Variants in WIPF3 observed in about 807,000 individuals in gnomAD.
WIPF3 encodes WAS/WASL interacting protein family member 3.
WIPF3 carries 33 observed loss-of-function variants against 38.9 expected under a neutral mutation model. The ratio of observed to expected loss-of-function variants is 0.85; its 90% CI spans 0.64 to 1.14. The LOEUF (loss-of-function observed/expected upper bound fraction) is 1.14, where lower values mean the gene tolerates loss of function less well. WIPF3 is among the 50% of genes most tolerant of loss of function. The pLI, the probability that WIPF3 is intolerant of heterozygous loss-of-function variation, is 0.00. For synonymous variants in WIPF3, 324 were observed against 269.3 expected (o/e 1.20, Z -1.99); for missense variants, 711 against 652.5 (o/e 1.09, Z -0.98).
Position 29,888,138 on chromosome 7 carries a change from C to G in WIPF3, c.1170C>G (p.Ser390Arg). The G allele has an allele frequency of 6.2e-7, 1 of 1,613,840 alleles. No homozygotes were observed. The highest frequency in any genetic ancestry group is 8.5e-7 in the Non-Finnish European group (1 of 1,179,832). ...PARSPTTELS[S>R]KSQQATAWTP... Reference sequence around the variant, plus strand: ...GATCACCTACCACAGAGCTTTCAAGCAAGAGCCAGCAGGCCACAGCCTGGA... The same window carrying G: ...GATCACCTACCACAGAGCTTTCAAGGAAGAGCCAGCAGGCCACAGCCTGGA... The change falls in exon 6 of 9, where the codon AGC (serine) becomes AGG (arginine). Residue 390 changes from serine to arginine, a missense_variant. Ser to Arg is a moderately radical substitution (Grantham distance 110, BLOSUM62 -1). Coordinates refer to ENST00000242140, the MANE Select transcript of WIPF3 (RefSeq NM_001080529.3).
intron 2 of WIPF3, among the ~76,000 whole-genome samples, chr7:29,865,421 G>C (rs1430887965): frequency 6.6e-6 from 1 of 152,112 alleles, no homozygotes; most frequent in African/African-American, 2.4e-5. Context: ...ATAACGAGTG[G>C]GTAAATACGC....
At chr7:29,859,089 G>A (rs1336692208) in intron 2 of WIPF3, among the ~76,000 whole-genome samples, 1 of 152,188 alleles carries the variant, frequency 6.6e-6, no homozygotes, top group Non-Finnish European at 1.5e-5. Flanking sequence ...TCTTAGGGAG[G>A]GAGCTGTTTT....
At chr7:29,830,830 T>C (rs1784707607) in intron 1 of WIPF3, among the ~76,000 whole-genome samples, 1 of 152,164 alleles carries the variant, frequency 6.6e-6, no homozygotes, top group African/African-American at 2.4e-5. Flanking sequence ...CCCAGTGCAG[T>C]GCTGAGCACC....
chr7:29,851,899 T>C (rs1230895361), intron 2 of WIPF3, among the ~76,000 whole-genome samples: 2 of 152,270 alleles, frequency 1.3e-5, no homozygotes, highest in African/African-American at 2.4e-5. Flanking sequence ...TCTTGTTTCA[T>C]GTTGCTTTTG....
At chr7:29,845,721 A>G (rs751410469) in intron 2 of WIPF3, among the ~76,000 whole-genome samples, 1 of 152,204 alleles carries the variant, frequency 6.6e-6, no homozygotes, top group Non-Finnish European at 1.5e-5. Context: ...CGGATGAGGG[A>G]TGAGGGAGGA....
intron 1 of WIPF3, among the ~76,000 whole-genome samples, chr7:29,826,250 G>A (rs1398159279): frequency 2.6e-5 from 4 of 152,122 alleles, no homozygotes; most frequent in African/African-American, 9.7e-5. Context: ...TGTGGAGATG[G>A]TGCCTTTCTT....
chr7:29,813,070 G>C (rs560774994), intron 1 of WIPF3, among the ~76,000 whole-genome samples: 1 of 152,142 alleles, frequency 6.6e-6, no homozygotes, highest in Non-Finnish European at 1.5e-5. Context: ...TCTCTCCTCC[G>C]TCTCGTTTAA....
intron 1 of WIPF3, among the ~76,000 whole-genome samples, chr7:29,827,618 G>GTTTATT (rs1000853884): frequency 1.3e-4 from 20 of 152,084 alleles, no homozygotes; most frequent in African/African-American, 4.3e-4. Context: ...GCGTCATGGG[G>GTTTATT]TTTATTAGCC....
chr7:29,858,547 A>T (rs114402322), intron 2 of WIPF3, among the ~76,000 whole-genome samples: 1,741 of 152,344 alleles, frequency 0.011, 40 homozygotes, highest in African/African-American at 0.04. Context: ...GTTACAATGT[A>T]CTTCCTCAGA....
intron 2 of WIPF3, among the ~76,000 whole-genome samples, chr7:29,872,963 A>G (rs1785526084): frequency 1.3e-5 from 2 of 152,128 alleles, no homozygotes; most frequent in Non-Finnish European, 2.9e-5. Context: ...GTAAGTAAAC[A>G]CACTGTGACT....
rs773775027 is a variant in WIPF3, at chr7:29,904,403, TCTC to T, written c.1428+45_1428+47del. On this transcript the variant is annotated intron_variant, in intron 8 of 8. Transcript: ENST00000242140. Reference sequence around the variant, plus strand: ...TGTCTCTGAATGTAAAACCAGGAATTCTCCTCAGGAGGCACAGAAATGGTAAGG... The same window carrying T: ...TGTCTCTGAATGTAAAACCAGGAATTCTCAGGAGGCACAGAAATGGTAAGG... 5.7e-6 allele frequency: 9 copies of T among 1,590,442 alleles called. No individual in the cohort carries two copies. In the South Asian group the frequency reaches 6.6e-5, roughly 12 times the overall value.
Position 29,914,533 on chromosome 7 carries a change from A to G in WIPF3, c.*17A>G, listed in dbSNP as rs1420416529. The G allele has an allele frequency of 6.6e-7, 1 of 1,516,840 alleles. No homozygotes were observed. Among genetic ancestry groups the G allele is most frequent in the Non-Finnish European group, 8.8e-7 (1 of 1,129,960 alleles). 94.0% of individuals were successfully genotyped at this position (1,516,840 alleles called of 1,614,324 possible). A position where few individuals can be genotyped will look rare whatever the true frequency, so the allele number is the denominator to read the frequency against. On this transcript the variant is annotated 3_prime_UTR_variant, in exon 9 of 9. Transcript: ENST00000242140. The stretch of plus-strand genomic sequence containing the variant: ...CTTCGGTGAGAAGACAGATGAAGCG[A>G]AGGTCCTGGGGTTCCAGGTTGCAGA...
chr7:29,809,830 G>C (rs901939482), intron 1 of WIPF3, among the ~76,000 whole-genome samples: 1 of 152,216 alleles, frequency 6.6e-6, no homozygotes, highest in African/African-American at 2.4e-5. Flanking sequence ...CATTATGTGG[G>C]CCAGGCACTG....
At chr7:29,876,441 T>A (rs1325591168) in intron 3 of WIPF3, among the ~76,000 whole-genome samples, 1 of 152,252 alleles carries the variant, frequency 6.6e-6, no homozygotes, top group Non-Finnish European at 1.5e-5. Flanking sequence ...CTCTCTGGAT[T>A]TGCCTATTCT....
intron 1 of WIPF3, among the ~76,000 whole-genome samples, chr7:29,817,582 A>G (rs1784476413): frequency 1.3e-5 from 2 of 152,176 alleles, no homozygotes; most frequent in Admixed American, 6.5e-5. Flanking sequence ...AATTTACTCA[A>G]TACTTTTTGT....
chr7:29,892,305 C>T (rs2128078253), intron 7 of WIPF3, among the ~76,000 whole-genome samples: 1 of 152,318 alleles, frequency 6.6e-6, no homozygotes, highest in Middle Eastern at 3.4e-3. Context: ...CCTTCATCAA[C>T]AGGCAGCTGG....
At chr7:29,809,866 T>C (rs958686522) in intron 1 of WIPF3, among the ~76,000 whole-genome samples, 1 of 152,076 alleles carries the variant, frequency 6.6e-6, no homozygotes, top group Admixed American at 6.6e-5. Flanking sequence ...AAGTGCATCT[T>C]GAAGGAATGT....
Position 29,889,348 on chromosome 7 carries a change from T to A in WIPF3, c.1292T>A (p.Phe431Tyr). 6.2e-7 allele frequency: 1 copy of A among 1,613,988 alleles called. No homozygotes were observed. The highest frequency in any genetic ancestry group is 2.2e-5 in the East Asian group (1 of 44,884). The change falls in exon 7 of 9, where the codon TTT becomes TAT. Residue 431 changes from phenylalanine to tyrosine, a missense_variant. By Grantham distance (22) the Phe-to-Tyr change is conservative. Transcript: ENST00000242140. ...SKFTFHSVEDFPPPDEYKPCQ... is the reference protein window; with the variant it reads ...SKFTFHSVEDYPPPDEYKPCQ... Reference sequence around the variant, plus strand: ...TTCACGTTCCATTCTGTGGAAGACTTTCCCCCTCCGGATGAATATAAACCA... The same window carrying A: ...TTCACGTTCCATTCTGTGGAAGACTATCCCCCTCCGGATGAATATAAACCA...
At chr7:29,901,850 G>A (rs28404637) in intron 7 of WIPF3, among the ~76,000 whole-genome samples, 1,793 of 28,120 alleles carry the variant, frequency 0.064, 27 homozygotes, top group South Asian at 0.12. Flanking sequence ...AAAAAAAAAA[G>A]AAAGAAAGAA....
Sources: gnomAD v4.1 joint callset for allele counts (sites outside exome capture counted in the v4.1 genomes callset) on GRCh38, gnomAD v4.1.1 for gene constraint, MANE v1.5 for transcripts, NCBI Gene and HGNC (gene_info 2026-07-23, HGNC 2026-07-21) for gene names.